LNX1: variants seen among roughly 807,000 people sequenced by gnomAD.
LNX1 encodes the protein E3 ubiquitin-protein ligase LNX.
Under a neutral mutation model 68.4 loss-of-function variants are expected in LNX1, and 54 were observed. That is an observed-to-expected ratio of 0.79 (90% CI 0.63 to 0.99). The LOEUF (loss-of-function observed/expected upper bound fraction) is 0.99. Among genes scored for constraint, LNX1 ranks in the 50% least tolerant of loss-of-function variants. LNX1 has a pLI of 0.00. For missense variants in LNX1, 906 were observed against 926.4 expected (o/e 0.98, Z 0.29); for synonymous variants, 336 against 350.0 (o/e 0.96, Z 0.45).
chr4:53,532,446 A>G (rs1577671640), intron 2 of LNX1, among the ~76,000 whole-genome samples: 1 of 151,982 alleles, frequency 6.6e-6, no homozygotes, highest in East Asian at 1.9e-4. Flanking sequence ...ATCTCAAATA[A>G]ATAAATAAAT....
intron 1 of LNX1, among the ~76,000 whole-genome samples, chr4:53,627,360 A>G (rs1389282278): frequency 6.6e-6 from 1 of 152,198 alleles, no homozygotes; most frequent in Non-Finnish European, 1.5e-5. Context: ...TAACATTTGT[A>G]AGAAAAGCGC....
intron 2 of LNX1, among the ~76,000 whole-genome samples, chr4:53,565,755 A>T (rs1730633277): frequency 6.7e-6 from 1 of 148,768 alleles, no homozygotes; most frequent in African/African-American, 2.4e-5. Flanking sequence ...TTTGAAAAAA[A>T]TTTAGAAGAA....
intron 9 of LNX1, among the ~76,000 whole-genome samples, chr4:53,466,255 C>T (rs1722672912): frequency 6.6e-6 from 1 of 152,114 alleles, no homozygotes; most frequent in African/African-American, 2.4e-5. Flanking sequence ...TTATATTCAC[C>T]ATCTATAAAT....
At chr4:53,647,491 A>G (rs1243000454) in intron 1 of LNX1, among the ~76,000 whole-genome samples, 8 of 152,126 alleles carry the variant, frequency 5.3e-5, no homozygotes, top group Admixed American at 3.9e-4. Context: ...TAACCAAGAG[A>G]TATTTTTCTG....
intron 1 of LNX1, among the ~76,000 whole-genome samples, chr4:53,630,294 G>C (rs1734220850): frequency 6.6e-6 from 1 of 152,066 alleles, no homozygotes; most frequent in South Asian, 2.1e-4. Flanking sequence ...TTAGCTACTT[G>C]CTAAAATTTT....
chr4:53,507,347 C>T lies in LNX1; in HGVS notation c.745G>A (p.Glu249Lys). The T allele has an allele frequency of 3.1e-6, 5 of 1,614,104 alleles. No individual in the cohort carries two copies. Among genetic ancestry groups the T allele is most frequent in the Non-Finnish European group, 4.2e-6 (5 of 1,180,008 alleles). Residue 249 changes from glutamate (E) to lysine (K), a missense_variant, in exon 4 of 11, where the codon GAA becomes AAA. Transcript: ENST00000263925. ...AVANHADQGR[E>K]NSENTTAPEV... ...GGGGCAGTGGTGTTTTCAGAATTTT[C>T]CCTGCCCTGGTCGGCATGGTTGGCA... is the stretch of plus-strand genomic sequence containing the variant.
chr4:53,629,687 C>T (rs536772612), intron 1 of LNX1, among the ~76,000 whole-genome samples: 1 of 152,258 alleles, frequency 6.6e-6, no homozygotes, highest in East Asian at 1.9e-4. Context: ...GACACTCCTG[C>T]TCTGTGTTTG....
At chr4:53,606,087 TA>T (rs1419767093) in intron 2 of LNX1, among the ~76,000 whole-genome samples, 1 of 151,728 alleles carries the variant, frequency 6.6e-6, no homozygotes, top group East Asian at 1.9e-4. Flanking sequence ...AGACAGGAAA[TA>T]ATCAAAATCA....
At chr4:53,488,170 AC>A (rs1724445146) in intron 6 of LNX1, among the ~76,000 whole-genome samples, 1 of 152,184 alleles carries the variant, frequency 6.6e-6, no homozygotes, top group African/African-American at 2.4e-5. Flanking sequence ...ATGCTTCAGT[AC>A]CCCCAATGAC....
At chr4:53,489,881 G>A (rs1400641092) in intron 6 of LNX1, among the ~76,000 whole-genome samples, 1 of 151,928 alleles carries the variant, frequency 6.6e-6, no homozygotes, top group Non-Finnish European at 1.5e-5. Context: ...CAGATTAAGT[G>A]TACTGATCTG....
At chr4:53,612,872 G>A (rs1168878665) in intron 2 of LNX1, among the ~76,000 whole-genome samples, 1 of 151,804 alleles carries the variant, frequency 6.6e-6, no homozygotes, top group African/African-American at 2.4e-5. Flanking sequence ...TTGACAGAGT[G>A]AGACCCCATT....
In LNX1 at chr4:53,589,366, C is replaced by T. The variant is rs537425934; in HGVS notation, c.-87+2022G>A. 3.4e-3 allele frequency among the ~76,000 whole-genome samples: 515 copies of T among 152,322 alleles called. 2 individuals carry two copies. Among genetic ancestry groups the T allele is most frequent in the Non-Finnish European group, 6.4e-3 (437 of 68,028 alleles). ...CTGTTTTCTTTTTCCAAACTGTTAA[C>T]ATTGCAGTTAATTACCTACAATTAA... On this transcript the variant is annotated intron_variant, in intron 1 of 10. Transcript: ENST00000263925.
At chr4:53,495,548 C>CTTTTTTTT (rs199684639) in intron 6 of LNX1, among the ~76,000 whole-genome samples, 11 of 119,420 alleles carry the variant, frequency 9.2e-5, no homozygotes, top group Non-Finnish European at 1.2e-4. Flanking sequence ...CATGGCATAG[C>CTTTTTTTT]TTTTTTTTTT....
rs1029984761 is a variant in LNX1, at chr4:53,460,258, T to A, written c.*649A>T. ...ACTAACGATTGTGGAAAAAAAGAGC[T>A]TTAGCCATTTCTTACTAAAAACAAA... is the stretch of plus-strand genomic sequence containing the variant. On this transcript the variant is annotated 3_prime_UTR_variant, in exon 11 of 11. Transcript: ENST00000263925. The A allele has an allele frequency of 6.2e-5, 12 of 192,654 alleles. No homozygotes were observed. The highest frequency in any genetic ancestry group is 2.1e-4 in the African/African-American group (9 of 43,098). 11.9% of individuals were successfully genotyped at this position (192,654 alleles called of 1,614,324 possible).
intron 6 of LNX1, among the ~76,000 whole-genome samples, chr4:53,484,729 T>C (rs1724172760): frequency 2.6e-5 from 4 of 152,166 alleles, no homozygotes; most frequent in Non-Finnish European, 4.4e-5. Flanking sequence ...TGGCTGTAAA[T>C]TAAAGGAACT....
chr4:53,601,221 C>T (rs767036842), intron 2 of LNX1, among the ~76,000 whole-genome samples: 9 of 151,916 alleles, frequency 5.9e-5, no homozygotes, highest in African/African-American at 1.2e-4. Context: ...TTAACTAGAC[C>T]GGGGATCCCT....
chr4:53,635,420 G>A (rs1734434836), intron 1 of LNX1, among the ~76,000 whole-genome samples: 1 of 152,064 alleles, frequency 6.6e-6, no homozygotes, highest in African/African-American at 2.4e-5. Flanking sequence ...ATCACATTTT[G>A]AAAATATAAA....
intron 2 of LNX1, among the ~76,000 whole-genome samples, chr4:53,537,355 G>C (rs1273633729): frequency 6.6e-6 from 1 of 152,150 alleles, no homozygotes; most frequent in East Asian, 1.9e-4. Context: ...AATTGACAAT[G>C]TTTTGTCTGA....
upstream of LNX1, among the ~76,000 whole-genome samples, chr4:53,621,055 C>G (rs1024708658): frequency 6.6e-6 from 1 of 152,172 alleles, no homozygotes; most frequent in Non-Finnish European, 1.5e-5. Flanking sequence ...CCCACCTTCA[C>G]CTCCCAGGGA....
Sources: gnomAD v4.1 joint callset for allele counts (sites outside exome capture counted in the v4.1 genomes callset) on GRCh38, gnomAD v4.1.1 for gene constraint, MANE v1.5 for transcripts, NCBI Gene and HGNC (gene_info 2026-07-23, HGNC 2026-07-21) for gene names.